The following LSAMP variants were observed in gnomAD, a reference collection of about 807,000 sequenced individuals.
LSAMP encodes limbic system associated membrane protein, also known as limbic system-associated membrane protein.
LSAMP carries 7 observed loss-of-function variants against 38.6 expected under a neutral mutation model. The ratio of observed to expected loss-of-function variants is 0.18; its 90% CI spans 0.10 to 0.34. The LOEUF is 0.34. Ranked by LOEUF, LSAMP falls within the 10% of genes least tolerant of loss-of-function variation. The pLI, the probability that LSAMP is intolerant of heterozygous loss-of-function variation, is 1.00. For synonymous variants in LSAMP, 154 were observed against 166.8 expected, an observed-to-expected ratio of 0.92 and a Z score of 0.59; for missense variants, 313 against 420.0, an observed-to-expected ratio of 0.75 and a Z score of 2.23.
intron 1 of LSAMP, among the ~76,000 whole-genome samples, chr3:116,423,181 T>C (rs2049151952): frequency 6.6e-6 from 1 of 152,142 alleles, no homozygotes; most frequent in Non-Finnish European, 1.5e-5. Flanking sequence ...GTTTCGTGTA[T>C]CTTTAGGAGA....
intron 3 of LSAMP, among the ~76,000 whole-genome samples, chr3:115,902,907 G>C (rs973866640): frequency 3.3e-5 from 5 of 152,142 alleles, no homozygotes; most frequent in African/African-American, 1.2e-4. Flanking sequence ...GTGTAAATTA[G>C]TTTCAACCAT....
intron 1 of LSAMP, among the ~76,000 whole-genome samples, chr3:116,087,336 T>C (rs1708014562): frequency 6.6e-6 from 1 of 152,186 alleles, no homozygotes; most frequent in Admixed American, 6.5e-5. Flanking sequence ...ATTACTGCTT[T>C]AAAAAACTTA....
At chr3:116,439,608 G>A (rs1331765126) in intron 1 of LSAMP, among the ~76,000 whole-genome samples, 1 of 152,200 alleles carries the variant, frequency 6.6e-6, no homozygotes, top group Non-Finnish European at 1.5e-5. Context: ...TTGAAAAGCC[G>A]TTGATTGTTT....
rs994182027 is a variant in LSAMP, at chr3:115,805,683, G to A, written c.*4634C>T. ...AAGAGAAAAGTGAGATGTACATGCT[G>A]GGTGAAAACAAATTCTTTCCTAAAT... On this transcript the variant is annotated 3_prime_UTR_variant, in exon 7 of 7. Transcript: ENST00000490035. 1 of 152,176 alleles carries A rather than the reference G, an allele frequency of 6.6e-6. No homozygotes were observed. Among genetic ancestry groups the A allele is most frequent in the Non-Finnish European group, 1.5e-5 (1 of 68,028 alleles). The allele number at this position is 152,176 out of a possible 1,614,324, so 9.4% of individuals were successfully genotyped here.
At chr3:116,027,236 A>G (rs943511192) in intron 2 of LSAMP, among the ~76,000 whole-genome samples, 1 of 152,204 alleles carries the variant, frequency 6.6e-6, no homozygotes, top group African/African-American at 2.4e-5. Context: ...AAAATAAAGA[A>G]TAACTATTAT....
Position 116,249,124 on chromosome 3 carries a change from G to A in LSAMP, c.156-162568C>T, listed in dbSNP as rs183939193. Among the ~76,000 whole-genome samples the A allele has an allele frequency of 2.3e-3, 325 of 143,616 alleles. 1 individual carries two copies. Among genetic ancestry groups the A allele is most frequent in the African/African-American group, 7.6e-3 (301 of 39,718 alleles). The allele number at this position is 143,616 out of a possible 152,430, so 94.2% of individuals were successfully genotyped here. A position where few individuals can be genotyped will look rare whatever the true frequency, so the allele number is the denominator to read the frequency against. On this transcript the variant is annotated intron_variant, in intron 1 of 6. Coordinates refer to ENST00000490035, the MANE Select transcript of LSAMP (RefSeq NM_002338.5). ...AGATCGCGCCACTGCACTCCAGCCT[G>A]GGTGACAGAGCGAGACTCTGTCTCA... is the stretch of plus-strand genomic sequence containing the variant.
intron 1 of LSAMP, among the ~76,000 whole-genome samples, chr3:116,149,888 T>G (rs1709574218): frequency 6.6e-6 from 1 of 152,030 alleles, no homozygotes; most frequent in African/African-American, 2.4e-5. Context: ...ACCCCTTGTA[T>G]ATCCTTACCC....
At chr3:116,268,984 G>A (rs2107667558) in intron 1 of LSAMP, among the ~76,000 whole-genome samples, 1 of 152,116 alleles carries the variant, frequency 6.6e-6, no homozygotes, top group Middle Eastern at 3.4e-3. Context: ...TAGTGATCAA[G>A]TAATTATTTC....
rs60829726 is a variant in LSAMP, at chr3:115,937,650, GA to G, written c.514+81864del. Among the ~76,000 whole-genome samples the G allele has an allele frequency of 8.6e-4, 125 of 145,880 alleles. 1 individual carries two copies. Among genetic ancestry groups the G allele is most frequent in the African/African-American group, 3.0e-3 (118 of 39,364 alleles). On this transcript the variant is annotated intron_variant, in intron 3 of 6. Transcript: ENST00000490035. ...GTGAGACCCTGTCTAAATAAGAAAA[GA>G]AAAAAAAAAAAGAAATGTTTTGCAT...
chr3:115,954,249 G>T (rs936418003), intron 3 of LSAMP, among the ~76,000 whole-genome samples: 1 of 152,144 alleles, frequency 6.6e-6, no homozygotes, highest in African/African-American at 2.4e-5. Flanking sequence ...CGGACAGCCA[G>T]CCTGGGAGCA....
At chr3:116,291,954 TTTCTTATTCTC>T (rs1437236930) in intron 1 of LSAMP, among the ~76,000 whole-genome samples, 1 of 152,200 alleles carries the variant, frequency 6.6e-6, no homozygotes, top group African/African-American at 2.4e-5. Flanking sequence ...CTTTATCTCT[TTTCTTATTCTC>T]TTCTTCATTA....
intron 1 of LSAMP, among the ~76,000 whole-genome samples, chr3:116,251,569 G>A (rs527437089): frequency 6.6e-6 from 1 of 152,336 alleles, no homozygotes; most frequent in South Asian, 2.1e-4. Flanking sequence ...TTCCTTTTAT[G>A]TCAAGACTAC....
At position 115,852,491 on chromosome 3, in the gene LSAMP, G is replaced by A. The variant is rs1935365679; in HGVS notation, c.641C>T (p.Thr214Ile). 6.8e-6 allele frequency: 11 copies of A among 1,611,884 alleles called. No homozygotes were observed. The highest frequency in any genetic ancestry group is 7.6e-6 in the Non-Finnish European group (9 of 1,179,116). Residue 214 changes from threonine to isoleucine, a missense_variant, in exon 4 of 7, where the codon ACT (threonine) becomes ATT (isoleucine). Coordinates refer to ENST00000490035, the MANE Select transcript of LSAMP (RefSeq NM_002338.5). ...SSADVKQVKV[T>I]VNYPPTITES... is the part of the protein sequence containing the mutation. ...GCTCCTGCCGTACTCACAGTTCACA[G>A]TGACCTTGACTTGTTTGACATCCGC...
At chr3:116,440,948 T>A (rs1471231810) in intron 1 of LSAMP, among the ~76,000 whole-genome samples, 1 of 152,214 alleles carries the variant, frequency 6.6e-6, no homozygotes, top group Non-Finnish European at 1.5e-5. Flanking sequence ...TAGTGAATAT[T>A]GCCATTCCAC....
chr3:116,180,794 G>A (rs150419737), intron 1 of LSAMP, among the ~76,000 whole-genome samples: 70 of 152,188 alleles, frequency 4.6e-4, no homozygotes, highest in Non-Finnish European at 7.8e-4. Flanking sequence ...TTTTTCTAAA[G>A]TTTTGAGGAG....
chr3:116,069,090 T>G (rs12485818), intron 2 of LSAMP, among the ~76,000 whole-genome samples: 58,663 of 151,990 alleles, frequency 0.39, 11,490 homozygotes, highest in Admixed American at 0.43. Flanking sequence ...TCAGTCAGTT[T>G]CTATTACACT....
At chr3:116,423,826 T>C (rs186247079) in intron 1 of LSAMP, among the ~76,000 whole-genome samples, 22 of 152,060 alleles carry the variant, frequency 1.4e-4, no homozygotes, top group African/African-American at 5.1e-4. Flanking sequence ...ACAGTTTAAA[T>C]GCAGTAGTAA....
At chr3:116,212,271 G>C (rs1385535900) in intron 1 of LSAMP, among the ~76,000 whole-genome samples, 1 of 152,192 alleles carries the variant, frequency 6.6e-6, no homozygotes, top group Non-Finnish European at 1.5e-5. Flanking sequence ...AGTGATTCAG[G>C]AGTAATAAAT....
intron 1 of LSAMP, among the ~76,000 whole-genome samples, chr3:116,413,207 CA>C (rs1479545896): frequency 6.6e-6 from 1 of 151,372 alleles, no homozygotes; most frequent in East Asian, 1.9e-4. Context: ...CAAATGACTT[CA>C]AACTAATCAT....
Sources: gnomAD v4.1 joint callset for allele counts (sites outside exome capture counted in the v4.1 genomes callset) on GRCh38, gnomAD v4.1.1 for gene constraint, MANE v1.5 for transcripts, NCBI Gene and HGNC (gene_info 2026-07-23, HGNC 2026-07-21) for gene names.